Variants in MYBBP1A observed in about 807,000 individuals in gnomAD.
The protein encoded by MYBBP1A is myb-binding protein 1A.
MYBBP1A carries 147 observed loss-of-function variants against 136.3 expected under a neutral mutation model. That is an observed-to-expected ratio of 1.08 (90% CI 0.94 to 1.24). MYBBP1A has a LOEUF of 1.24. MYBBP1A is among the 50% of genes most tolerant of loss of function. The pLI is 0.00. For missense variants in MYBBP1A, 2,060 were observed against 1,727.4 expected, an observed-to-expected ratio of 1.19 and a Z score of -3.41; for synonymous variants, 947 against 735.8, an observed-to-expected ratio of 1.29 and a Z score of -4.65.
At position 4,552,166 on chromosome 17, in the gene MYBBP1A, C is replaced by T. The variant is rs745581440; in HGVS notation, c.864G>A (p.Val288=). 1.7e-5 allele frequency: 27 copies of T among 1,614,120 alleles called. No homozygotes were observed. The highest frequency in any genetic ancestry group is 2.3e-5 in the Non-Finnish European group (27 of 1,180,044). The part of the protein sequence containing the change: ...EDKFPRFWKE[V]VEQGLLKMQF... ...GCATCTTCAGCAGCCCTTGTTCCAC[C>T]ACCTCCTTCCAGAACCGTGGGAACT... is the stretch of plus-strand genomic sequence containing the variant. The change falls in exon 7 of 26, where the codon GTG becomes GTA. Residue 288 remains valine, a synonymous_variant. Coordinates refer to ENST00000254718, the MANE Select transcript of MYBBP1A (RefSeq NM_014520.4). This position sits in a 1 kb window ranked among gnomAD's most constrained non-coding sequence, Gnocchi z 4.7.
In MYBBP1A at chr17:4,540,220, G is replaced by C. The variant is rs541670408; in HGVS notation, c.3434+128C>G. 2,722 of 1,299,680 alleles carry C rather than the reference G, an allele frequency of 2.1e-3. 5 individuals carry two copies. The highest frequency in any genetic ancestry group is 2.4e-3 in the Non-Finnish European group (2,414 of 985,822). 80.5% of individuals were successfully genotyped at this position (1,299,680 alleles called of 1,614,324 possible). A position where few individuals can be genotyped will look rare whatever the true frequency, so the allele number is the denominator to read the frequency against. ...CATCTGAGAATGCGCTTGAGTGCAT[G>C]TGTGTGCAGCAGCATGCGTGTGCAG... On this transcript the variant is annotated intron_variant, in intron 25 of 25. Coordinates refer to ENST00000254718, the MANE Select transcript of MYBBP1A (RefSeq NM_014520.4).
At position 4,548,197 on chromosome 17, in the gene MYBBP1A, T is replaced by C. The variant is rs1328276463; in HGVS notation, c.1670A>G (p.His557Arg). 1.2e-6 allele frequency: 2 copies of C among 1,607,834 alleles called. No homozygotes were observed. The highest frequency in any genetic ancestry group is 1.7e-6 in the Non-Finnish European group (2 of 1,180,000). ...GAAGGGTGTCACGGTGGTCACGTTG[T>C]GGCTGTGATTCAACAGGAGGTCTGC... ...QFADLLLNHSHNVTTVTPFTA... is the reference protein window; with the variant it reads ...QFADLLLNHSRNVTTVTPFTA... The change falls in exon 12 of 26, where the codon CAC (histidine) becomes CGC (arginine). Residue 557 changes from histidine (H) to arginine (R), a missense_variant. His to Arg is a conservative substitution (Grantham distance 29). Transcript: ENST00000254718. The surrounding 1 kb of genome is among the most constrained non-coding windows in gnomAD (Gnocchi z 4.2).
At position 4,545,850 on chromosome 17, in the gene MYBBP1A, G is replaced by A. The variant is rs774179029; in HGVS notation, c.1917C>T (p.Thr639=). ...CTCTCGTGACCAAGGACCCACCGAT[G>A]GTCTTGGTGCGGCTCCGGCGGGGCT... ...GEKPRRSRTK[T]IDPQEPPWVE... The change falls in exon 14 of 26, where the codon ACC becomes ACT. Residue 639 remains threonine, a synonymous_variant. Coordinates refer to ENST00000254718, the MANE Select transcript of MYBBP1A (RefSeq NM_014520.4). 9 of 1,613,042 alleles carry A rather than the reference G, an allele frequency of 5.6e-6. No homozygotes were observed. The highest frequency in any genetic ancestry group is 1.7e-5 in the Admixed American group (1 of 59,970).
At position 4,539,357 on chromosome 17, in the gene MYBBP1A, A is replaced by T. The variant is rs1163769600; in HGVS notation, c.*58T>A. On this transcript the variant is annotated 3_prime_UTR_variant, in exon 26 of 26. Coordinates refer to ENST00000254718, the MANE Select transcript of MYBBP1A (RefSeq NM_014520.4). ...AAAATCATGGTTTAAAAAAAAAAAAAAAAAATAGGCGTCTCAGGCAGATGG... is the reference window on the plus strand; with the variant it reads ...AAAATCATGGTTTAAAAAAAAAAAATAAAAATAGGCGTCTCAGGCAGATGG... The T allele has an allele frequency of 1.3e-6, 2 of 1,504,244 alleles. No individual in the cohort carries two copies. The highest frequency in any genetic ancestry group is 4.6e-5 in the East Asian group (2 of 43,574). 93.2% of individuals were successfully genotyped at this position (1,504,244 alleles called of 1,614,324 possible).
chr17:4,552,089 G>A lies in MYBBP1A; in HGVS notation c.905+36C>T. On this transcript the variant is annotated intron_variant, in intron 7 of 25. Coordinates refer to ENST00000254718, the MANE Select transcript of MYBBP1A (RefSeq NM_014520.4). The surrounding 1 kb of genome is among the most constrained non-coding windows in gnomAD (Gnocchi z 4.7). ...GTGGCCTAGCCCACTTCACGGACAG[G>A]GAAGGGGGCCGAGAGAGGACACGCG... is the stretch of plus-strand genomic sequence containing the variant. 1 of 1,604,590 alleles carries A rather than the reference G, an allele frequency of 6.2e-7. No homozygotes were observed. Among genetic ancestry groups the A allele is most frequent in the Non-Finnish European group, 8.5e-7 (1 of 1,174,600 alleles).
intron 16 of MYBBP1A, 33 bp downstream of exon 16, chr17:4,545,226 C>T (rs1906892980): frequency 5.0e-6 from 8 of 1,612,788 alleles, no homozygotes; most frequent in Non-Finnish European, 6.8e-6. Context: ...GTCCCACTCC[C>T]CACCGCCCCC....
chr17:4,548,401 C>CA lies in MYBBP1A; in HGVS notation c.1557-92_1557-91insT. The CA allele has an allele frequency of 1.9e-6, 3 of 1,604,250 alleles. No homozygotes were observed. The highest frequency in any genetic ancestry group is 2.6e-6 in the Non-Finnish European group (3 of 1,173,696). ...CTCCCCAGGGCTCGGTCTCCCGCCT[C>CA]TCCAGGACCTACTAGAACTCCGGGG... On this transcript the variant is annotated intron_variant, in intron 11 of 25. Coordinates refer to ENST00000254718, the MANE Select transcript of MYBBP1A (RefSeq NM_014520.4). The surrounding 1 kb of genome is among the most constrained non-coding windows in gnomAD (Gnocchi z 4.2).
chr17:4,552,306 G>A lies in MYBBP1A; in HGVS notation c.738-14C>T, dbSNP rs1477766475. 9 of 1,613,498 alleles carry A rather than the reference G, an allele frequency of 5.6e-6. No individual in the cohort carries two copies. Among genetic ancestry groups the A allele is most frequent in the African/African-American group, 1.3e-5 (1 of 74,942 alleles). On this transcript the variant is annotated splice_polypyrimidine_tract_variant and intron_variant, in intron 6 of 25. Coordinates refer to ENST00000254718, the MANE Select transcript of MYBBP1A (RefSeq NM_014520.4). This position sits in a 1 kb window ranked among gnomAD's most constrained non-coding sequence, Gnocchi z 4.7. ...ACATTCACCAGCCTGCGGAGGGCAAGGGACTCAGGGAACACTTGCCTCACA... is the reference window on the plus strand; with the variant it reads ...ACATTCACCAGCCTGCGGAGGGCAAAGGACTCAGGGAACACTTGCCTCACA...
chr17:4,550,216 G>C lies in MYBBP1A; in HGVS notation c.1161C>G (p.Val387=), dbSNP rs1401741046. ...FSSVTNQGLP[V]TPTFWRVVRF... ...GCACGACCCGCCAGAAAGTAGGCGT[G>C]ACAGGGAGGCCTTGGTTGGTGACAG... The change falls in exon 9 of 26, where the codon GTC becomes GTG. Residue 387 remains valine (V), a synonymous_variant. Coordinates refer to ENST00000254718, the MANE Select transcript of MYBBP1A (RefSeq NM_014520.4). The C allele has an allele frequency of 6.2e-7, 1 of 1,613,762 alleles. No homozygotes were observed. The highest frequency in any genetic ancestry group is 1.3e-5 in the African/African-American group (1 of 74,954).
Position 4,555,262 on chromosome 17 carries a change from C to T in MYBBP1A, c.63G>A (p.Arg21=), listed in dbSNP as rs1472800658. 3 of 1,611,636 alleles carry T rather than the reference C, an allele frequency of 1.9e-6. No individual in the cohort carries two copies. The highest frequency in any genetic ancestry group is 2.7e-5 in the African/African-American group (2 of 75,052). ...TCAATAGGCCATAGCGGTCGGCAGG[C>T]CGGGCGCCACTCTGCGTCGCTTCTC... ...SPGEATQSGA[R]PADRYGLLKH... Residue 21 remains arginine (R), a synonymous_variant, in exon 1 of 26, where the codon CGG becomes CGA. Coordinates refer to ENST00000254718, the MANE Select transcript of MYBBP1A (RefSeq NM_014520.4).
At position 4,539,558 on chromosome 17, in the gene MYBBP1A, G is replaced by C; in HGVS notation, c.3844C>G (p.Pro1282Ala). 1 of 1,614,140 alleles carries C rather than the reference G, an allele frequency of 6.2e-7. No individual in the cohort carries two copies. The change falls in exon 26 of 26, where the codon CCC becomes GCC. Residue 1282 changes from proline to alanine, a missense_variant. Transcript: ENST00000254718. Reference protein sequence around the residue: ...AGQKQHQKALPKKGVLGKSPL... With the variant: ...AGQKQHQKALAKKGVLGKSPL... The stretch of plus-strand genomic sequence containing the variant: ...GATTTGCCCAAGACCCCCTTTTTGG[G>C]AAGAGCCTTCTGATGCTGCTTTTGG...
rs1461477375 is a variant in MYBBP1A at position 4,545,611 on chromosome 17, T to C, written c.2072A>G (p.Asp691Gly). ...LTPRALQLILDVLNPETSEDE... is the reference protein window; with the variant it reads ...LTPRALQLILGVLNPETSEDE... ...CCACTCCCAAAGGTCCCAACTCACA[T>C]CCAGAATTAGCTGCAGGGCACGCGG... is the stretch of plus-strand genomic sequence containing the variant. Residue 691 changes from aspartate to glycine, a missense_variant and splice_region_variant, in exon 15 of 26, where the codon GAT (aspartate) becomes GGT (glycine). Transcript: ENST00000254718. 1 of 1,581,040 alleles carries C rather than the reference T, an allele frequency of 6.3e-7. No homozygotes were observed. Among genetic ancestry groups the C allele is most frequent in the Admixed American group, 1.7e-5 (1 of 57,500 alleles).
chr17:4,549,971 C>A, intron 9 of MYBBP1A, 87 bp downstream of exon 9: 1 of 1,426,028 alleles, frequency 7.0e-7, no homozygotes, highest in Non-Finnish European at 9.5e-7. Flanking sequence ...AGCCAGGACG[C>A]TGTGGAGGGC....
intron 5 of MYBBP1A, among the ~76,000 whole-genome samples, chr17:4,553,050 G>A (rs1907677005): frequency 6.6e-6 from 1 of 152,194 alleles, no homozygotes; most frequent in African/African-American, 2.4e-5. Flanking sequence ...TTGAACTCCT[G>A]ACCTCAAGTG....
At chr17:4,554,151 C>A (rs780134626) in intron 3 of MYBBP1A, 44 bp downstream of exon 3, 1 of 1,612,548 alleles carries the variant, frequency 6.2e-7, no homozygotes, top group Non-Finnish European at 8.5e-7. Flanking sequence ...ATTCCCCAAG[C>A]CTCCCACCCC....
At position 4,550,224 on chromosome 17, in the gene MYBBP1A, G is replaced by A; in HGVS notation, c.1153C>T (p.Leu385Phe). Residue 385 changes from leucine to phenylalanine, a missense_variant, in exon 9 of 26, where the codon CTC becomes TTC. Transcript: ENST00000254718. ...CGCCAGAAAGTAGGCGTGACAGGGA[G>A]GCCTTGGTTGGTGACAGATGAGAAG... ...VAFSSVTNQG[L>F]PVTPTFWRVV... 2 of 1,613,838 alleles carry A rather than the reference G, an allele frequency of 1.2e-6. No homozygotes were observed. Among genetic ancestry groups the A allele is most frequent in the African/African-American group, 1.3e-5 (1 of 75,070 alleles).
chr17:4,540,240 G>A, intron 25 of MYBBP1A, 108 bp downstream of exon 25: 1 of 1,375,726 alleles, frequency 7.3e-7, no homozygotes, highest in Non-Finnish European at 9.7e-7. Flanking sequence ...CAGCATGCGT[G>A]TGCAGTGTGC....
Position 4,544,851 on chromosome 17 carries a change from G to A in MYBBP1A, c.2381C>T (p.Ala794Val), listed in dbSNP as rs1175841493. The part of the protein sequence containing the change: ...EAMMALDQSL[A>V]SLFAEQKLRI... ...CAGCTTCTGCTCGGCAAAGAGGCTG[G>A]CGAGGCTCTGGTCCAGGGCCATCAT... Residue 794 changes from alanine to valine, a missense_variant, in exon 18 of 26, where the codon GCC becomes GTC. Transcript: ENST00000254718. The A allele has an allele frequency of 5.0e-6, 8 of 1,607,374 alleles. No individual in the cohort carries two copies. The highest frequency in any genetic ancestry group is 3.3e-5 in the South Asian group (3 of 89,666).
At chr17:4,549,916 A>C in intron 9 of MYBBP1A, 142 bp downstream of exon 9, 1 of 861,542 alleles carries the variant, frequency 1.2e-6, no homozygotes, top group Admixed American at 2.8e-5. Flanking sequence ...CTGAGGCCTC[A>C]TATGAGAGCT....
Sources: gnomAD v4.1 joint callset for allele counts (sites outside exome capture counted in the v4.1 genomes callset) on GRCh38, gnomAD v4.1.1 for gene constraint, Gnocchi (gnomAD v3.1) non-coding constraint, MANE v1.5 for transcripts, NCBI Gene and HGNC (gene_info 2026-07-23, HGNC 2026-07-21) for gene names.